Variants in KHDRBS2 observed in about 807,000 individuals in gnomAD.
KHDRBS2 encodes KH RNA binding domain containing, signal transduction associated 2.
KHDRBS2 carries 26 observed loss-of-function variants against 44.3 expected under a neutral mutation model. The observed-to-expected ratio is 0.59, with a 90% CI of 0.43 to 0.81. The LOEUF (loss-of-function observed/expected upper bound fraction) is 0.81. KHDRBS2 is among the 40% of genes least tolerant of loss of function. The pLI, the probability that KHDRBS2 is intolerant of heterozygous loss-of-function variation, is 0.00. For missense variants in KHDRBS2, 476 were observed against 433.1 expected (o/e 1.10, Z -0.88); for synonymous variants, 194 against 151.1 (o/e 1.28, Z -2.08).
At chr6:61,813,786 G>T (rs1490509159) in intron 6 of KHDRBS2, among the ~76,000 whole-genome samples, 2 of 151,978 alleles carry the variant, frequency 1.3e-5, no homozygotes, top group Non-Finnish European at 2.9e-5. Context: ...CTCATTGTCT[G>T]GAATAAACTA....
intron 2 of KHDRBS2, among the ~76,000 whole-genome samples, chr6:62,065,866 A>C (rs1419794266): frequency 6.6e-6 from 1 of 151,884 alleles, no homozygotes; most frequent in Non-Finnish European, 1.5e-5. Flanking sequence ...CATGAATTTT[A>C]ATAATGTCAA....
At chr6:62,086,059 C>T (rs1043488475) in intron 2 of KHDRBS2, among the ~76,000 whole-genome samples, 4 of 152,040 alleles carry the variant, frequency 2.6e-5, no homozygotes, top group African/African-American at 9.7e-5. Flanking sequence ...GAATTACCAA[C>T]GTACATCAAC....
At chr6:62,210,940 A>C (rs579680) in intron 1 of KHDRBS2, among the ~76,000 whole-genome samples, 27,754 of 152,018 alleles carry the variant, frequency 0.18, 2,892 homozygotes, top group African/African-American at 0.3. Flanking sequence ...ATTTATAATA[A>C]ATACTAAAAA....
chr6:61,933,347 A>G (rs1810441520), intron 4 of KHDRBS2, among the ~76,000 whole-genome samples: 1 of 145,646 alleles, frequency 6.9e-6, no homozygotes, highest in Non-Finnish European at 1.5e-5. Context: ...TTTCAGTGAG[A>G]AAACAAATCC....
At chr6:61,643,300 A>G in the KHDRBS2 span, among the ~76,000 whole-genome samples, 1 of 152,196 alleles carries the variant, frequency 6.6e-6, no homozygotes, top group Non-Finnish European at 1.5e-5. Flanking sequence ...CTGGGTATTG[A>G]ATGAATATGC....
At chr6:62,198,882 A>G (rs565381008) in intron 1 of KHDRBS2, among the ~76,000 whole-genome samples, 14 of 152,182 alleles carry the variant, frequency 9.2e-5, no homozygotes, top group Non-Finnish European at 1.5e-4. Context: ...CAAAAAGCTT[A>G]TCCACCATGA....
intron 1 of KHDRBS2, among the ~76,000 whole-genome samples, chr6:62,253,360 T>C (rs779369779): frequency 6.6e-6 from 1 of 151,980 alleles, no homozygotes; most frequent in African/African-American, 2.4e-5. Flanking sequence ...CTCTATATGG[T>C]CCTCCCCTGA....
At chr6:61,848,288 C>A (rs1212190127) in intron 6 of KHDRBS2, among the ~76,000 whole-genome samples, 1 of 150,346 alleles carries the variant, frequency 6.7e-6, no homozygotes, top group African/African-American at 2.4e-5. Context: ...GACTACCTTA[C>A]CTCTATTTCA....
chr6:61,895,038 T>C (rs1397539123), intron 5 of KHDRBS2, among the ~76,000 whole-genome samples: 1 of 151,172 alleles, frequency 6.6e-6, no homozygotes, highest in Non-Finnish European at 1.5e-5. Flanking sequence ...ACAATAATTG[T>C]AAACACTGAC....
rs557401044 is a variant in KHDRBS2 at position 61,734,108 on chromosome 6, T to A, written c.811-1344A>T. ...CAACTTAAGAAACTTCTAAAAATTT[T>A]ATTTCCTTATTTCTTCATTTTCACG... is the stretch of plus-strand genomic sequence containing the variant. On this transcript the variant is annotated intron_variant, in intron 6 of 8. Transcript: ENST00000281156. Among the ~76,000 whole-genome samples the A allele has an allele frequency of 8.5e-5, 13 of 152,342 alleles. No homozygotes were observed. The East Asian group carries it at 2.5e-3, about 29-fold the overall frequency.
At chr6:61,701,673 C>T (rs1482991470) in intron 7 of KHDRBS2, among the ~76,000 whole-genome samples, 5 of 151,830 alleles carry the variant, frequency 3.3e-5, no homozygotes, top group South Asian at 2.1e-4. Context: ...TTGCCAGATG[C>T]GCTTATTAAA....
chr6:62,222,242 G>C (rs1289446196), intron 1 of KHDRBS2, among the ~76,000 whole-genome samples: 1 of 151,544 alleles, frequency 6.6e-6, no homozygotes, highest in African/African-American at 2.4e-5. Context: ...GAGACAGAGA[G>C]AATGAGAGAG....
chr6:62,049,525 G>C (rs1584362773), intron 2 of KHDRBS2, among the ~76,000 whole-genome samples: 1 of 151,138 alleles, frequency 6.6e-6, no homozygotes, highest in African/African-American at 2.4e-5. Context: ...TATCAGTGAT[G>C]ATAAGCTTTT....
chr6:62,079,264 A>C (rs1796945123), intron 2 of KHDRBS2, among the ~76,000 whole-genome samples: 1 of 151,782 alleles, frequency 6.6e-6, no homozygotes. Context: ...TCTAATACAC[A>C]ATTATTTACA....
chr6:61,549,381 T>C, the KHDRBS2 span, among the ~76,000 whole-genome samples: 1 of 152,216 alleles, frequency 6.6e-6, no homozygotes, highest in African/African-American at 2.4e-5. Flanking sequence ...TATATGATTA[T>C]TTCAATTGTT....
At chr6:61,782,456 G>A (rs564225715) in intron 6 of KHDRBS2, among the ~76,000 whole-genome samples, 9 of 151,804 alleles carry the variant, frequency 5.9e-5, no homozygotes, top group Non-Finnish European at 1.2e-4. Flanking sequence ...GTGGAATTAC[G>A]TGGAAGTTTA....
At chr6:62,110,084 G>A (rs1055704609) in intron 2 of KHDRBS2, among the ~76,000 whole-genome samples, 1 of 151,710 alleles carries the variant, frequency 6.6e-6, no homozygotes, top group Non-Finnish European at 1.5e-5. Flanking sequence ...AAACGACAAG[G>A]CCCAGGAAGG....
chr6:61,863,198 G>C (rs1469406603), intron 6 of KHDRBS2, among the ~76,000 whole-genome samples: 1 of 149,416 alleles, frequency 6.7e-6, no homozygotes, highest in Non-Finnish European at 1.5e-5. Context: ...AGTCCAGCTA[G>C]TGGTCTTTTT....
chr6:61,550,211 C>T, the KHDRBS2 span, among the ~76,000 whole-genome samples: 2 of 152,066 alleles, frequency 1.3e-5, no homozygotes, highest in African/African-American at 4.8e-5. Context: ...CACCCTCCAC[C>T]GTCAGGTCCC....
Sources: allele counts gnomAD v4.1 joint callset (sites outside exome capture counted in the v4.1 genomes callset), GRCh38; gene constraint gnomAD v4.1.1; transcripts MANE v1.5; gene names NCBI Gene and HGNC (gene_info 2026-07-23, HGNC 2026-07-21).